Variants in LDLRAD3 observed in about 807,000 individuals in gnomAD.
LDLRAD3 encodes low density lipoprotein receptor class A domain containing 3, also known as low-density lipoprotein receptor class A domain-containing protein 3.
In LDLRAD3, 20 loss-of-function variants were observed where a neutral mutation model predicts 29.4. That is an observed-to-expected ratio of 0.68 (90% confidence interval 0.48 to 0.99). LDLRAD3 has a LOEUF of 0.99. LDLRAD3 is among the 50% of genes least tolerant of loss of function. LDLRAD3 has a pLI of 0.00. For missense variants in LDLRAD3, 420 were observed against 454.3 expected, an observed-to-expected ratio of 0.92 and a Z score of 0.69; for synonymous variants, 157 against 192.7, an observed-to-expected ratio of 0.81 and a Z score of 1.53.
At chr11:35,998,597 T>C (rs1475112735) in intron 1 of LDLRAD3, among the ~76,000 whole-genome samples, 5 of 152,196 alleles carry the variant, frequency 3.3e-5, no homozygotes, top group Non-Finnish European at 7.3e-5. Flanking sequence ...CTGGATTCAC[T>C]TGGAAAATAT....
intron 1 of LDLRAD3, among the ~76,000 whole-genome samples, chr11:36,030,435 AGTGTGTGTGTGTGTGTGTGTGTGT>A (rs3080139): frequency 6.8e-6 from 1 of 147,702 alleles, no homozygotes; most frequent in Admixed American, 6.7e-5. Flanking sequence ...CTGTGCATGG[AGTGTGTGTGTGTGTGTGTGTGTGT>A]GTGTGTGTGT....
At chr11:36,170,780 G>A (rs1590328596) in intron 4 of LDLRAD3, among the ~76,000 whole-genome samples, 3 of 150,424 alleles carry the variant, frequency 2.0e-5, no homozygotes, top group East Asian at 1.9e-4. Context: ...TTTGTCATAC[G>A]TTTGTTGGCC....
chr11:36,003,081 A>C (rs567297051), intron 1 of LDLRAD3, among the ~76,000 whole-genome samples: 2 of 152,372 alleles, frequency 1.3e-5, no homozygotes, highest in South Asian at 4.1e-4. Flanking sequence ...TGAGTGCTCA[A>C]GAATTCCAAG....
At chr11:36,157,353 A>G (rs903633609) in intron 4 of LDLRAD3, among the ~76,000 whole-genome samples, 21 of 152,358 alleles carry the variant, frequency 1.4e-4, no homozygotes, top group Admixed American at 1.2e-3. Context: ...GATGCCAGAC[A>G]AACTTGGTCT....
intron 3 of LDLRAD3, among the ~76,000 whole-genome samples, chr11:36,095,954 C>T (rs573995980): frequency 5.9e-5 from 9 of 151,688 alleles, no homozygotes; most frequent in South Asian, 2.1e-4. Flanking sequence ...AAAAACCAGA[C>T]GTGATTTGTG....
intron 4 of LDLRAD3, among the ~76,000 whole-genome samples, chr11:36,190,508 CAT>C (rs1854924868): frequency 6.6e-6 from 1 of 151,860 alleles, no homozygotes. Context: ...TCTAAAAAAA[CAT>C]AATAATGGAA....
At chr11:36,039,551 T>C (rs1198892498) in intron 2 of LDLRAD3, among the ~76,000 whole-genome samples, 1 of 151,932 alleles carries the variant, frequency 6.6e-6, no homozygotes, top group East Asian at 1.9e-4. Flanking sequence ...GCACAGTGCC[T>C]GTATACAGTA....
At chr11:35,953,605 T>C (rs1184689787) in intron 1 of LDLRAD3, among the ~76,000 whole-genome samples, 1 of 152,204 alleles carries the variant, frequency 6.6e-6, no homozygotes, top group Admixed American at 6.5e-5. Flanking sequence ...GTTAAACTAA[T>C]TGGACATGGC....
chr11:36,079,062 C>T (rs547653120), intron 2 of LDLRAD3, among the ~76,000 whole-genome samples: 24 of 152,242 alleles, frequency 1.6e-4, no homozygotes, highest in South Asian at 6.2e-4. Context: ...CCCTCAGGGA[C>T]GCAGGGCACA....
chr11:36,027,967 G>A (rs542578313), intron 1 of LDLRAD3, among the ~76,000 whole-genome samples: 4 of 152,350 alleles, frequency 2.6e-5, no homozygotes, highest in African/African-American at 9.6e-5. Context: ...AGGCATAGGA[G>A]GATGGCTCCT....
At chr11:36,085,125 C>A (rs1292185589) in intron 3 of LDLRAD3, among the ~76,000 whole-genome samples, 1 of 152,174 alleles carries the variant, frequency 6.6e-6, no homozygotes, top group African/African-American at 2.4e-5. Context: ...AAGTTGGCAA[C>A]AAATTATGTT....
intron 2 of LDLRAD3, among the ~76,000 whole-genome samples, chr11:36,050,525 G>C (rs988464688): frequency 6.6e-6 from 1 of 152,168 alleles, no homozygotes; most frequent in Non-Finnish European, 1.5e-5. Flanking sequence ...CCAAACTAGG[G>C]CTGTTCCCAG....
In LDLRAD3 at chr11:36,199,589, G is replaced by A. The variant is rs78500835; in HGVS notation, c.455-27496G>A. On this transcript the variant is annotated intron_variant, in intron 4 of 5. Coordinates refer to ENST00000315571, the MANE Select transcript of LDLRAD3 (RefSeq NM_174902.4). Reference sequence around the variant, plus strand: ...TCTACACACACACACACACACACACGCACGCACGCGTGCGCGCACACGCTT... The same window carrying A: ...TCTACACACACACACACACACACACACACGCACGCGTGCGCGCACACGCTT... Among the ~76,000 whole-genome samples the A allele has an allele frequency of 1.4e-3, 139 of 102,388 alleles. 2 individuals are homozygous for A. In the East Asian group the frequency reaches 0.049, roughly 36 times the overall value. 67.2% of individuals were successfully genotyped at this position (102,388 alleles called of 152,430 possible).
In LDLRAD3 at chr11:36,115,614, C is replaced by T. The variant is rs1306816079; in HGVS notation, c.454+17153C>T. On this transcript the variant is annotated intron_variant, in intron 4 of 5. Transcript: ENST00000315571. ...GCTCTGCTGTGTCATGTTTCTGTCA[C>T]ACACAGCTATTCCTTATCACCCCAC... Among the ~76,000 whole-genome samples the T allele has an allele frequency of 3.9e-5, 6 of 152,280 alleles. No individual in the cohort carries two copies. In the East Asian group the frequency reaches 1.2e-3, roughly 29 times the overall value.
intron 4 of LDLRAD3, among the ~76,000 whole-genome samples, chr11:36,203,157 C>T (rs1428955507): frequency 6.6e-6 from 1 of 152,034 alleles, no homozygotes; most frequent in East Asian, 1.9e-4. Context: ...GGCTGGAGTA[C>T]GGTAGTGCAA....
chr11:36,210,900 G>A (rs984035319), intron 4 of LDLRAD3, among the ~76,000 whole-genome samples: 1 of 152,160 alleles, frequency 6.6e-6, no homozygotes, highest in Non-Finnish European at 1.5e-5. Flanking sequence ...AGCGGGAGAG[G>A]GGTGTGCTTG....
chr11:35,992,731 C>T lies in LDLRAD3; in HGVS notation c.47-43372C>T, dbSNP rs1266756357. On this transcript the variant is annotated intron_variant, in intron 1 of 5. Transcript: ENST00000315571. ...GAAATAGGGCATGGCTGCTAATGGG[C>T]ATGGGGTTTCCTTTTGGGGTGATGA... is the stretch of plus-strand genomic sequence containing the variant. Among the ~76,000 whole-genome samples, 3 of 152,098 alleles carry T rather than the reference C, an allele frequency of 2.0e-5. No homozygotes were observed. In the South Asian group the frequency reaches 6.2e-4, roughly 32 times the overall value.
intron 4 of LDLRAD3, among the ~76,000 whole-genome samples, chr11:36,146,770 C>CTATTTTATTTTATTT (rs1191393096): frequency 1.7e-5 from 1 of 57,512 alleles, no homozygotes; most frequent in African/African-American, 9.6e-5. Flanking sequence ...AAATTTCCCT[C>CTATTTTATTTTATTT]TACTTTATTT....
intron 4 of LDLRAD3, among the ~76,000 whole-genome samples, chr11:36,193,640 A>C (rs1029314855): frequency 6.6e-6 from 1 of 152,070 alleles, no homozygotes; most frequent in Non-Finnish European, 1.5e-5. Context: ...TCCTGTTAAG[A>C]GCACCACTTA....
Sources: allele counts gnomAD v4.1 joint callset (sites outside exome capture counted in the v4.1 genomes callset), GRCh38; gene constraint gnomAD v4.1.1; transcripts MANE v1.5; gene names NCBI Gene and HGNC (gene_info 2026-07-23, HGNC 2026-07-21).